DYNLT5: variants seen among roughly 807,000 people sequenced by gnomAD.
The protein encoded by DYNLT5 is dynein light chain Tctex-type family member 5.
A neutral mutation model predicts 19.3 loss-of-function variants in DYNLT5; 25 were observed. The ratio of observed to expected loss-of-function variants is 1.30; its 90% CI spans 0.95 to 1.81. The LOEUF is 1.81. DYNLT5 is among the 40% of genes most tolerant of loss of function. The probability of loss-of-function intolerance (pLI) is 0.00; values close to 1 mark genes in which losing one functional copy is unlikely to be tolerated. For synonymous variants in DYNLT5, 82 were observed against 68.9 expected, an observed-to-expected ratio of 1.19 and a Z score of -0.94; for missense variants, 232 against 217.9, an observed-to-expected ratio of 1.06 and a Z score of -0.41.
At chr1:66,766,635 CT>C (rs974983836) in intron 2 of DYNLT5, among the ~76,000 whole-genome samples, 8 of 152,054 alleles carry the variant, frequency 5.3e-5, no homozygotes, top group Non-Finnish European at 1.2e-4. Flanking sequence ...TTCTCTTTTC[CT>C]TTTTTCTTTT....
At chr1:66,765,430 G>T (rs2094653035) in intron 2 of DYNLT5, among the ~76,000 whole-genome samples, 1 of 152,046 alleles carries the variant, frequency 6.6e-6, no homozygotes, top group Admixed American at 6.6e-5. Context: ...GTATGGAAAT[G>T]AGTTCTCAAT....
At chr1:66,757,391 G>T (rs2094638135) in intron 2 of DYNLT5, among the ~76,000 whole-genome samples, 1 of 152,032 alleles carries the variant, frequency 6.6e-6, no homozygotes, top group South Asian at 2.1e-4. Context: ...TTTCAAGATT[G>T]GGTCTGTTTT....
At chr1:66,774,826 G>A (rs1358524872) in intron 3 of DYNLT5, among the ~76,000 whole-genome samples, 1 of 152,150 alleles carries the variant, frequency 6.6e-6, no homozygotes, top group Non-Finnish European at 1.5e-5. Flanking sequence ...ACTATCCCTT[G>A]TGATTTTCTA....
intron 2 of DYNLT5, among the ~76,000 whole-genome samples, chr1:66,758,836 A>G (rs890715068): frequency 6.6e-6 from 1 of 152,186 alleles, no homozygotes; most frequent in Non-Finnish European, 1.5e-5. Flanking sequence ...CATTCAATCT[A>G]TACTACTGTG....
chr1:66,776,047 C>T (rs1488534583), intron 3 of DYNLT5: 1 of 355,344 alleles, frequency 2.8e-6, no homozygotes, highest in Non-Finnish European at 5.0e-6. Flanking sequence ...CAAACCCCAG[C>T]AGTATTGAAC....
intron 3 of DYNLT5, among the ~76,000 whole-genome samples, chr1:66,771,207 T>A (rs140874019): frequency 6.6e-6 from 1 of 152,212 alleles, no homozygotes; most frequent in Non-Finnish European, 1.5e-5. Context: ...CCTCTGGCCT[T>A]GTAGCCAGTT....
At chr1:66,757,850 A>G (rs992352446) in intron 2 of DYNLT5, among the ~76,000 whole-genome samples, 29 of 152,172 alleles carry the variant, frequency 1.9e-4, no homozygotes, top group African/African-American at 7.0e-4. Flanking sequence ...AAATCTCTAT[A>G]TGCATAAAGT....
chr1:66,775,293 A>T (rs1283491115), intron 3 of DYNLT5: 1 of 152,232 alleles, frequency 6.6e-6, no homozygotes, highest in African/African-American at 2.4e-5. Flanking sequence ...TGCCAAATGG[A>T]GATAACAGTG....
At chr1:66,768,920 T>C (rs1317193005) in intron 2 of DYNLT5, among the ~76,000 whole-genome samples, 1 of 152,192 alleles carries the variant, frequency 6.6e-6, no homozygotes, top group Admixed American at 6.5e-5. Flanking sequence ...ATTCCCTTTA[T>C]CTCTGAAATG....
intron 1 of DYNLT5, among the ~76,000 whole-genome samples, chr1:66,752,874 C>T (rs1557868477): frequency 6.6e-6 from 1 of 152,350 alleles, no homozygotes; most frequent in East Asian, 1.9e-4. Context: ...CTTCCTGTGG[C>T]TGGCCGCACC....
intron 3 of DYNLT5, chr1:66,770,730 A>G (rs1023778143): frequency 1.1e-5 from 6 of 551,336 alleles, no homozygotes; most frequent in South Asian, 1.8e-5. Flanking sequence ...TGCATACAGT[A>G]TACTACTGAC....
At chr1:66,772,590 T>A (rs1196164896) in intron 3 of DYNLT5, among the ~76,000 whole-genome samples, 2 of 152,228 alleles carry the variant, frequency 1.3e-5, no homozygotes, top group Non-Finnish European at 2.9e-5. Flanking sequence ...TACAATGTAA[T>A]ACTGGCCAGA....
chr1:66,777,555 C>T lies in DYNLT5; in HGVS notation c.*101C>T. ...GCCAAAAACTTTGAGAAAGAAACAA[C>T]ACTGATATTTCAAGCAACTGGAAGC... On this transcript the variant is annotated 3_prime_UTR_variant, in exon 5 of 5. Transcript: ENST00000282670. 1 of 1,001,150 alleles carries T rather than the reference C, an allele frequency of 1.0e-6. No homozygotes were observed. The highest frequency in any genetic ancestry group is 1.4e-6 in the Non-Finnish European group (1 of 698,598). The allele number at this position is 1,001,150 out of a possible 1,614,324, so 62.0% of individuals were successfully genotyped here. A position where few individuals can be genotyped will look rare whatever the true frequency, so the allele number is the denominator to read the frequency against.
At chr1:66,777,070 A>G (rs1281668855) in intron 4 of DYNLT5, among the ~76,000 whole-genome samples, 181 bp from the exon 5 acceptor site, 1 of 152,198 alleles carries the variant, frequency 6.6e-6, no homozygotes, top group East Asian at 1.9e-4. Context: ...TTGTTCCTGA[A>G]TGTTCTATCT....
intron 2 of DYNLT5, 103 bp downstream of exon 2, chr1:66,754,880 A>G: frequency 7.9e-7 from 1 of 1,265,108 alleles, no homozygotes; most frequent in Non-Finnish European, 1.0e-6. Flanking sequence ...AAAGAGATAA[A>G]ATGGGCAAGT....
chr1:66,777,540 T>C lies in DYNLT5; in HGVS notation c.*86T>C, dbSNP rs755963064. The C allele has an allele frequency of 6.7e-6, 8 of 1,197,604 alleles. No individual in the cohort carries two copies. The highest frequency in any genetic ancestry group is 8.1e-6 in the Non-Finnish European group (7 of 862,976). The allele number at this position is 1,197,604 out of a possible 1,614,324, so 74.2% of individuals were successfully genotyped here. Reference sequence around the variant, plus strand: ...CACAAAAGTTTTACTGCCAAAAACTTTGAGAAAGAAACAACACTGATATTT... The same window carrying C: ...CACAAAAGTTTTACTGCCAAAAACTCTGAGAAAGAAACAACACTGATATTT... On this transcript the variant is annotated 3_prime_UTR_variant, in exon 5 of 5. Coordinates refer to ENST00000282670, the MANE Select transcript of DYNLT5 (RefSeq NM_152665.3).
rs545411341 is a variant in DYNLT5 at position 66,777,816 on chromosome 1, A to G, written c.*362A>G. On this transcript the variant is annotated 3_prime_UTR_variant, in exon 5 of 5. Transcript: ENST00000282670. ...AAGAAGCTTTAGAAAAACTATGGCT[A>G]TATACCCTGACCAATAAATGATAGT... 2.3e-5 allele frequency: 4 copies of G among 174,724 alleles called. No individual in the cohort carries two copies. In the South Asian group the frequency reaches 5.5e-4, roughly 24 times the overall value. The allele number at this position is 174,724 out of a possible 1,614,324, so 10.8% of individuals were successfully genotyped here.
Position 66,770,720 on chromosome 1 carries a change from T to C in DYNLT5, c.211+242T>C, listed in dbSNP as rs147798742. ...CAAACAATTCACTGGGTGGCACTGATGCATACAGTATACTACTGACTTAAC... is the reference window on the plus strand; with the variant it reads ...CAAACAATTCACTGGGTGGCACTGACGCATACAGTATACTACTGACTTAAC... On this transcript the variant is annotated intron_variant, in intron 3 of 4. Transcript: ENST00000282670. 5,285 of 600,990 alleles carry C rather than the reference T, an allele frequency of 8.8e-3. 37 individuals are homozygous for C. Among genetic ancestry groups the C allele is most frequent in the Non-Finnish European group, 0.013 (4,157 of 326,570 alleles). 37.2% of individuals were successfully genotyped at this position (600,990 alleles called of 1,614,324 possible).
chr1:66,759,926 C>T (rs2094642868), intron 2 of DYNLT5, among the ~76,000 whole-genome samples: 1 of 152,134 alleles, frequency 6.6e-6, no homozygotes, highest in African/African-American at 2.4e-5. Context: ...TTCTTCCTCC[C>T]TCTGCTACTT....
Sources: gnomAD v4.1 joint callset for allele counts (sites outside exome capture counted in the v4.1 genomes callset) on GRCh38, gnomAD v4.1.1 for gene constraint, MANE v1.5 for transcripts, NCBI Gene and HGNC (gene_info 2026-07-23, HGNC 2026-07-21) for gene names.